MAPKAP1: variants seen among roughly 807,000 people sequenced by gnomAD.
The protein encoded by MAPKAP1 is target of rapamycin complex 2 subunit MAPKAP1.
MAPKAP1 carries 20 observed loss-of-function variants against 65.7 expected under a neutral mutation model. The observed-to-expected ratio is 0.30, with a 90% CI of 0.21 to 0.44. The LOEUF (loss-of-function observed/expected upper bound fraction) is 0.44, where lower values mean the gene tolerates loss of function less well. MAPKAP1 is among the 20% of genes least tolerant of loss of function. The pLI is 1.00. For synonymous variants in MAPKAP1, 222 were observed against 244.3 expected (o/e 0.91, Z 0.85); for missense variants, 423 against 648.0 (o/e 0.65, Z 3.77).
chr9:125,681,940 T>C lies in MAPKAP1; in HGVS notation c.-69-9297A>G, dbSNP rs538212616. Among the ~76,000 whole-genome samples, 120 of 152,286 alleles carry C rather than the reference T, an allele frequency of 7.9e-4. 2 individuals are homozygous for C. In the South Asian group the frequency reaches 0.022, roughly 28 times the overall value. On this transcript the variant is annotated intron_variant, in intron 1 of 11. Transcript: ENST00000265960. ...ACACCCAGCTAATTTTTAAATTTTT[T>C]TGTAGAGACAAGAGTCTTGTCATCT...
intron 7 of MAPKAP1, among the ~76,000 whole-genome samples, chr9:125,507,967 C>T (rs187865675): frequency 1.3e-5 from 2 of 152,098 alleles, no homozygotes; most frequent in Admixed American, 1.3e-4. Context: ...CCCAGGAGTT[C>T]GAGACCAGCC....
At chr9:125,666,219 G>T (rs1834335895) in intron 3 of MAPKAP1, among the ~76,000 whole-genome samples, 1 of 152,118 alleles carries the variant, frequency 6.6e-6, no homozygotes, top group Non-Finnish European at 1.5e-5. Flanking sequence ...TTACTCTAAG[G>T]TATTTCATTT....
chr9:125,580,325 G>A (rs1339614319), intron 5 of MAPKAP1, among the ~76,000 whole-genome samples: 1 of 152,134 alleles, frequency 6.6e-6, no homozygotes, highest in Non-Finnish European at 1.5e-5. Context: ...AGAAAATGTG[G>A]CACATATACA....
At chr9:125,561,113 T>C (rs1830880395) in intron 5 of MAPKAP1, among the ~76,000 whole-genome samples, 1 of 152,240 alleles carries the variant, frequency 6.6e-6, no homozygotes, top group African/African-American at 2.4e-5. Flanking sequence ...AATTAATTAA[T>C]TGCAAAGTGT....
intron 6 of MAPKAP1, among the ~76,000 whole-genome samples, chr9:125,543,635 T>C (rs1042629112): frequency 2.0e-5 from 3 of 152,096 alleles, no homozygotes; most frequent in Non-Finnish European, 4.4e-5. Flanking sequence ...AAAAATAGGT[T>C]GAATAAATAT....
intron 1 of MAPKAP1, among the ~76,000 whole-genome samples, chr9:125,683,096 T>C (rs985004884): frequency 2.6e-5 from 4 of 151,782 alleles, no homozygotes; most frequent in African/African-American, 4.8e-5. Context: ...GCTGAGATTA[T>C]AGGTGCCCGC....
At chr9:125,482,740 A>G (rs530549639) in intron 9 of MAPKAP1, among the ~76,000 whole-genome samples, 1 of 152,314 alleles carries the variant, frequency 6.6e-6, no homozygotes, top group East Asian at 1.9e-4. Flanking sequence ...ACAGTTTCCA[A>G]GAACCTTTGG....
intron 4 of MAPKAP1, among the ~76,000 whole-genome samples, chr9:125,624,393 G>A (rs1479779821): frequency 1.3e-5 from 1 of 78,162 alleles, no homozygotes; most frequent in African/African-American, 4.4e-5. Context: ...TGGGGGGGTC[G>A]GCCCCCATCC....
intron 8 of MAPKAP1, among the ~76,000 whole-genome samples, chr9:125,495,233 G>T (rs1404286650): frequency 6.6e-6 from 1 of 152,104 alleles, no homozygotes; most frequent in African/African-American, 2.4e-5. Flanking sequence ...TCCCTGACTC[G>T]AGAGTCAGAG....
intron 1 of MAPKAP1, among the ~76,000 whole-genome samples, chr9:125,694,138 G>A (rs1423877362): frequency 6.6e-6 from 1 of 152,040 alleles, no homozygotes; most frequent in Non-Finnish European, 1.5e-5. Flanking sequence ...AGACCAGCCT[G>A]GCCAACATGG....
chr9:125,665,567 G>A (rs1320013749), intron 3 of MAPKAP1, among the ~76,000 whole-genome samples: 2 of 151,688 alleles, frequency 1.3e-5, no homozygotes, highest in Non-Finnish European at 2.9e-5. Flanking sequence ...ACCCTTTGCT[G>A]ACTCTTTTCG....
chr9:125,593,765 C>T (rs1435597933), intron 4 of MAPKAP1, among the ~76,000 whole-genome samples: 1 of 152,236 alleles, frequency 6.6e-6, no homozygotes, highest in African/African-American at 2.4e-5. Context: ...GCCCCCAAGG[C>T]AGGTTTGAGA....
intron 6 of MAPKAP1, among the ~76,000 whole-genome samples, chr9:125,554,848 A>ATGTGTT (rs1830692414): frequency 6.7e-6 from 1 of 149,700 alleles, no homozygotes; most frequent in Non-Finnish European, 1.5e-5. Context: ...TTTAAAATTT[A>ATGTGTT]TGTGTTTGTG....
chr9:125,634,277 G>A (rs975941383), intron 4 of MAPKAP1, among the ~76,000 whole-genome samples: 1 of 152,192 alleles, frequency 6.6e-6, no homozygotes, highest in Non-Finnish European at 1.5e-5. Context: ...TTATAAAGAA[G>A]TCTGTATTTA....
At chr9:125,588,541 T>C (rs528346208) in intron 4 of MAPKAP1, among the ~76,000 whole-genome samples, 1 of 152,206 alleles carries the variant, frequency 6.6e-6, no homozygotes, top group African/African-American at 2.4e-5. Context: ...GTAAATTTTA[T>C]GTAATGTTTT....
At chr9:125,463,011 T>A (rs1335704779) in intron 10 of MAPKAP1, among the ~76,000 whole-genome samples, 1 of 152,212 alleles carries the variant, frequency 6.6e-6, no homozygotes, top group South Asian at 2.1e-4. Context: ...AAAGCCAAGC[T>A]CTGGTTCAGC....
At chr9:125,456,989 A>AAT (rs1454073411) in intron 10 of MAPKAP1, among the ~76,000 whole-genome samples, 2 of 133,328 alleles carry the variant, frequency 1.5e-5, no homozygotes, top group Non-Finnish European at 3.2e-5. Context: ...CCATTTAGTG[A>AAT]ATTTTTTTTT....
chr9:125,706,888 C>G, intron 1 of MAPKAP1, 83 bp downstream of exon 1: 1 of 380,148 alleles, frequency 2.6e-6, no homozygotes, highest in Middle Eastern at 6.7e-4. Flanking sequence ...AGCGCTGAAA[C>G]TGGAGGGGTG....
At chr9:125,619,547 C>A (rs1832838712) in intron 4 of MAPKAP1, among the ~76,000 whole-genome samples, 1 of 151,188 alleles carries the variant, frequency 6.6e-6, no homozygotes, top group Non-Finnish European at 1.5e-5. Flanking sequence ...GTGTGAAAAT[C>A]CTAAAAGAAC....
Sources: allele counts gnomAD v4.1 joint callset (sites outside exome capture counted in the v4.1 genomes callset), GRCh38; gene constraint gnomAD v4.1.1; transcripts MANE v1.5; gene names NCBI Gene and HGNC (gene_info 2026-07-23, HGNC 2026-07-21).